The following LAMA1 variants were observed in gnomAD, a reference collection of about 807,000 sequenced individuals.
LAMA1 encodes the protein laminin subunit alpha-1.
Under a neutral mutation model 348.7 loss-of-function variants are expected in LAMA1, and 219 were observed. That is an observed-to-expected ratio of 0.63 (90% CI 0.56 to 0.70). The LOEUF is 0.70. Ranked by LOEUF, LAMA1 falls within the 30% of genes least tolerant of loss-of-function variation. The pLI, the probability that LAMA1 is intolerant of heterozygous loss-of-function variation, is 0.00. For synonymous variants in LAMA1, 1,487 were observed against 1,491.0 expected, an observed-to-expected ratio of 1.00 and a Z score of 0.06; for missense variants, 3,744 against 3,888.0, an observed-to-expected ratio of 0.96 and a Z score of 0.99.
chr18:7,052,373 G>A (rs2058065374), intron 3 of LAMA1, among the ~76,000 whole-genome samples: 1 of 151,948 alleles, frequency 6.6e-6, no homozygotes, highest in Admixed American at 6.6e-5. Flanking sequence ...AGAGGTTACA[G>A]GGAGCTGAGA....
intron 3 of LAMA1, among the ~76,000 whole-genome samples, chr18:7,062,164 G>A (rs1202176846): frequency 6.6e-6 from 1 of 152,234 alleles, no homozygotes; most frequent in Non-Finnish European, 1.5e-5. Context: ...CAATGCCCTG[G>A]TGGGAAAGCC....
intron 17 of LAMA1, among the ~76,000 whole-genome samples, chr18:7,025,457 T>C (rs1193771100): frequency 6.6e-6 from 1 of 152,196 alleles, no homozygotes; most frequent in Non-Finnish European, 1.5e-5. Context: ...ACGACCACAC[T>C]GAGTCCCCTG....
chr18:6,970,915 T>C (rs908407108), intron 48 of LAMA1, among the ~76,000 whole-genome samples: 7 of 152,032 alleles, frequency 4.6e-5, no homozygotes. Flanking sequence ...GACCGCCTGG[T>C]CCTAACTTTT....
intron 17 of LAMA1, 107 bp from the exon 18 acceptor site, chr18:7,024,573 G>A: frequency 1.1e-6 from 1 of 902,460 alleles, no homozygotes; most frequent in South Asian, 1.4e-5. Context: ...GACCTTCAAT[G>A]AGACCTCCTT....
chr18:7,045,952 ACT>A (rs2058040404), intron 6 of LAMA1, among the ~76,000 whole-genome samples: 2 of 148,106 alleles, frequency 1.4e-5, no homozygotes, highest in African/African-American at 5.2e-5. Context: ...TTATAATTGC[ACT>A]TTTTTTTTTT....
In LAMA1 at chr18:7,023,174, C is replaced by G; in HGVS notation, c.2691G>C (p.Lys897Asn). The G allele has an allele frequency of 6.2e-7, 1 of 1,612,580 alleles. No individual in the cohort carries two copies. The highest frequency in any genetic ancestry group is 8.5e-7 in the Non-Finnish European group (1 of 1,179,820). Residue 897 changes from lysine (K) to asparagine (N), a missense_variant, in exon 19 of 63, where the codon AAG becomes AAC. Lys to Asn is a moderately conservative substitution (Grantham distance 94, BLOSUM62 0). Around this residue, in one of 3 missense-constraint regions of LAMA1, gnomAD observed 1,529 missense variants for 1,689.4 expected, o/e 0.91. Coordinates refer to ENST00000389658, the MANE Select transcript of LAMA1 (RefSeq NM_005559.4). The part of the protein sequence containing the change: ...DGFYGDAVTA[K>N]NCRACECHVK... ...CGCTCACGCACTCACCGCGGCAGTT[C>G]TTGGCTGTCACAGCGTCCCCATAGA...
chr18:7,106,974 T>G (rs2058314372), intron 1 of LAMA1, among the ~76,000 whole-genome samples: 1 of 151,744 alleles, frequency 6.6e-6, no homozygotes, highest in South Asian at 2.1e-4. Context: ...CCTCTGCCCC[T>G]CCTCCCCCGC....
At chr18:6,979,861 T>A (rs555208838) in intron 42 of LAMA1, among the ~76,000 whole-genome samples, 2 of 152,188 alleles carry the variant, frequency 1.3e-5, no homozygotes, top group Admixed American at 6.6e-5. Flanking sequence ...ATCGCGCCAC[T>A]GCACTCCAGC....
At chr18:7,047,107 C>T (rs2511039) in intron 5 of LAMA1, among the ~76,000 whole-genome samples, 2 of 150,080 alleles carry the variant, frequency 1.3e-5, no homozygotes, top group Non-Finnish European at 3.0e-5. Context: ...TGCAGTGGCG[C>T]GATCTCAGCT....
intron 11 of LAMA1, 113 bp downstream of exon 11, chr18:7,038,697 G>T (rs2058007063): frequency 2.2e-6 from 3 of 1,369,688 alleles, no homozygotes; most frequent in South Asian, 1.2e-5. Flanking sequence ...ATTGCATAGC[G>T]ATGAGAGTGG....
At chr18:6,986,795 T>C (rs1379100964) in intron 36 of LAMA1, among the ~76,000 whole-genome samples, 1 of 152,208 alleles carries the variant, frequency 6.6e-6, no homozygotes, top group Non-Finnish European at 1.5e-5. Flanking sequence ...GACTTGCTCT[T>C]GTCCCCTAGG....
chr18:7,051,463 C>T (rs1383504771), intron 3 of LAMA1, among the ~76,000 whole-genome samples: 3 of 152,124 alleles, frequency 2.0e-5, no homozygotes, highest in Non-Finnish European at 4.4e-5. Context: ...TATAACTGCT[C>T]ATACATGTTA....
chr18:7,079,205 A>C (rs975884035), intron 3 of LAMA1: 4 of 152,362 alleles, frequency 2.6e-5, no homozygotes, highest in African/African-American at 9.6e-5. Flanking sequence ...AATAAGAATT[A>C]ATGCGATGGC....
intron 45 of LAMA1, among the ~76,000 whole-genome samples, chr18:6,975,361 C>T (rs761290800): frequency 3.9e-5 from 6 of 152,150 alleles, no homozygotes; most frequent in Non-Finnish European, 7.3e-5. Flanking sequence ...TGAGCTTGCT[C>T]CTTTGCCCAG....
At position 7,077,571 on chromosome 18, in the gene LAMA1, G is replaced by A. The variant is rs191720101; in HGVS notation, c.345+2404C>T. Among the ~76,000 whole-genome samples the A allele has an allele frequency of 6.0e-4, 91 of 152,146 alleles. 1 individual carries two copies. Among genetic ancestry groups the A allele is most frequent in the Admixed American group, 2.1e-3 (32 of 15,270 alleles). ...GGAGACTGCCTTCTGGAATTCCTCA[G>A]ACTAACTTAGTCCATCCCTTCAGGA... On this transcript the variant is annotated intron_variant, in intron 3 of 62. Coordinates refer to ENST00000389658, the MANE Select transcript of LAMA1 (RefSeq NM_005559.4).
intron 3 of LAMA1, among the ~76,000 whole-genome samples, chr18:7,074,775 G>C (rs1057440950): frequency 2.6e-5 from 4 of 151,938 alleles, no homozygotes; most frequent in African/African-American, 9.7e-5. Flanking sequence ...ATCAATGAAA[G>C]AAGTGAATAG....
At chr18:7,107,121 C>CTTTT (rs34984235) in intron 1 of LAMA1, among the ~76,000 whole-genome samples, 11 of 137,106 alleles carry the variant, frequency 8.0e-5, no homozygotes, top group Non-Finnish European at 1.1e-4. Context: ...GAGAAAACTC[C>CTTTT]TTTTTTTTTT....
At chr18:7,089,377 G>A (rs536458342) in intron 1 of LAMA1, among the ~76,000 whole-genome samples, 3 of 152,148 alleles carry the variant, frequency 2.0e-5, no homozygotes, top group African/African-American at 7.2e-5. Context: ...AAAACAAAAC[G>A]CTGGTAGGGA....
At chr18:7,017,757 T>C (rs754622896) in intron 19 of LAMA1, among the ~76,000 whole-genome samples, 5 of 152,208 alleles carry the variant, frequency 3.3e-5, no homozygotes, top group Admixed American at 6.5e-5. Flanking sequence ...AGGTACATAT[T>C]CAATATTTTA....
Sources: gnomAD v4.1 joint callset for allele counts (sites outside exome capture counted in the v4.1 genomes callset) on GRCh38, gnomAD v4.1.1 for gene constraint, gnomAD v4.1.1 regional missense constraint, MANE v1.5 for transcripts, NCBI Gene and HGNC (gene_info 2026-07-23, HGNC 2026-07-21) for gene names.